The following TRAK1 variants were observed in gnomAD, a reference collection of about 807,000 sequenced individuals.
TRAK1 encodes trafficking kinesin-binding protein 1.
In TRAK1, 33 loss-of-function variants were observed where a neutral mutation model predicts 92.1. The observed-to-expected ratio is 0.36, with a 90% confidence interval of 0.27 to 0.48. TRAK1 has a LOEUF of 0.48. Among genes scored for constraint, TRAK1 ranks in the 20% least tolerant of loss-of-function variants. The pLI, the probability that TRAK1 is intolerant of heterozygous loss-of-function variation, is 0.99. For synonymous variants in TRAK1, 521 were observed against 517.3 expected, an observed-to-expected ratio of 1.01 and a Z score of -0.10; for missense variants, 1,123 against 1,257.9, an observed-to-expected ratio of 0.89 and a Z score of 1.62.
intron 1 of TRAK1, among the ~76,000 whole-genome samples, chr3:42,081,991 T>C (rs1294810323): frequency 6.6e-6 from 1 of 152,254 alleles, no homozygotes; most frequent in Non-Finnish European, 1.5e-5. Flanking sequence ...TGCCAGTTGC[T>C]GTACATGTAA....
chr3:42,098,577 A>G (rs149629322), intron 1 of TRAK1, among the ~76,000 whole-genome samples: 5 of 152,280 alleles, frequency 3.3e-5, no homozygotes, highest in Admixed American at 2.6e-4. Flanking sequence ...GGAGGGAGAA[A>G]GAGAACAGAG....
At chr3:42,222,010 A>T (rs1440511611) in intron 15 of TRAK1, 2 of 152,000 alleles carry the variant, frequency 1.3e-5, no homozygotes, top group East Asian at 3.9e-4. Context: ...TTATAAAAAA[A>T]AAAAAGAACC....
At chr3:42,077,884 T>C (rs1704229290) in intron 1 of TRAK1, among the ~76,000 whole-genome samples, 1 of 152,208 alleles carries the variant, frequency 6.6e-6, no homozygotes, top group Non-Finnish European at 1.5e-5. Flanking sequence ...TAGAATGTTA[T>C]TGTCTGTGAA....
Position 42,058,785 on chromosome 3 carries a change from T to C in TRAK1, c.-518-28319T>C, listed in dbSNP as rs74378755. ...AGCTCCCACCCCCACACACAACAGA[T>C]CGTAAGATACGCCATTGCTTTATGT... On this transcript the variant is annotated intron_variant, in intron 1 of 16. Transcript: ENST00000487159. 5.6e-3 allele frequency among the ~76,000 whole-genome samples: 852 copies of C among 152,256 alleles called. 5 individuals are homozygous for C. Among genetic ancestry groups the C allele is most frequent in the African/African-American group, 0.019 (787 of 41,542 alleles).
chr3:42,118,147 G>A (rs891142491), intron 1 of TRAK1, among the ~76,000 whole-genome samples: 1 of 151,746 alleles, frequency 6.6e-6, no homozygotes, highest in Non-Finnish European at 1.5e-5. Flanking sequence ...GCAGTGCTGC[G>A]ATCTTGGCTC....
chr3:42,190,207 T>C (rs1215263258), intron 6 of TRAK1, among the ~76,000 whole-genome samples: 3 of 152,172 alleles, frequency 2.0e-5, no homozygotes, highest in Admixed American at 6.5e-5. Context: ...AGCCGAGGTA[T>C]GGTGTGGTAC....
intron 2 of TRAK1, among the ~76,000 whole-genome samples, chr3:42,144,842 A>G (rs1699137016): frequency 6.6e-6 from 1 of 152,254 alleles, no homozygotes; most frequent in African/African-American, 2.4e-5. Flanking sequence ...GGATTTCAGT[A>G]AAAGACAAAG....
chr3:42,062,032 T>C (rs1033246102), intron 1 of TRAK1, among the ~76,000 whole-genome samples: 2 of 152,224 alleles, frequency 1.3e-5, no homozygotes, highest in African/African-American at 4.8e-5. Flanking sequence ...GGCTGCCCAT[T>C]TGGGAGAAGG....
chr3:42,101,051 TACA>T (rs1465591901), intron 1 of TRAK1, among the ~76,000 whole-genome samples: 2 of 152,264 alleles, frequency 1.3e-5, no homozygotes, highest in Non-Finnish European at 2.9e-5. Context: ...TAGTGGTTCC[TACA>T]ACATTTATTT....
intron 3 of TRAK1, among the ~76,000 whole-genome samples, chr3:42,178,137 C>T (rs1227412593): frequency 1.3e-5 from 2 of 152,150 alleles, no homozygotes; most frequent in South Asian, 4.2e-4. Flanking sequence ...TCACCCCGTT[C>T]GGGTCATTGA....
At chr3:42,035,467 T>A (rs1319545646) in intron 1 of TRAK1, among the ~76,000 whole-genome samples, 1 of 152,164 alleles carries the variant, frequency 6.6e-6, no homozygotes, top group Non-Finnish European at 1.5e-5. Flanking sequence ...TGACCACCAC[T>A]GCCATTACCC....
chr3:42,144,277 A>G (rs1699058897), intron 2 of TRAK1, among the ~76,000 whole-genome samples: 1 of 152,118 alleles, frequency 6.6e-6, no homozygotes, highest in Admixed American at 6.5e-5. Context: ...TAAAAAAAAA[A>G]AGAAAGATTA....
Position 42,223,036 on chromosome 3 carries a change from G to T in TRAK1, c.2161G>T (p.Ala721Ser), listed in dbSNP as rs1710514236. 6.2e-7 allele frequency: 1 copy of T among 1,613,938 alleles called. No homozygotes were observed. The highest frequency in any genetic ancestry group is 1.3e-5 in the African/African-American group (1 of 74,908). The stretch of plus-strand genomic sequence containing the variant: ...ATGCACTCCACGGAGACTGAGCCTG[G>T]CTGAGTCCTTCACTAACACCCGTGA... Reference protein sequence around the residue: ...TPCTPRRLSLAESFTNTREST... With the variant: ...TPCTPRRLSLSESFTNTREST... Residue 721 changes from alanine to serine, a missense_variant, in exon 16 of 16, where the codon GCT becomes TCT. By Grantham distance (99) the Ala-to-Ser change is moderately conservative (BLOSUM62 1). Transcript: ENST00000327628. The surrounding 1 kb of genome is among the most constrained non-coding windows in gnomAD (Gnocchi z 6.1).
intron 13 of TRAK1, among the ~76,000 whole-genome samples, chr3:42,206,877 C>T (rs1322025583): frequency 1.3e-5 from 2 of 152,208 alleles, no homozygotes; most frequent in Admixed American, 6.5e-5. Context: ...TCAGCCCATC[C>T]TTGGGAGCGG....
intron 2 of TRAK1, among the ~76,000 whole-genome samples, chr3:42,140,597 A>C (rs368524322): frequency 5.3e-5 from 8 of 152,368 alleles, no homozygotes; most frequent in Admixed American, 3.3e-4. Context: ...GCTGCACTCC[A>C]GCCTGGGCGA....
intron 1 of TRAK1, among the ~76,000 whole-genome samples, chr3:42,112,857 A>C (rs1708638526): frequency 6.6e-6 from 1 of 151,940 alleles, no homozygotes; most frequent in Admixed American, 6.5e-5. Flanking sequence ...TGCATCCTCT[A>C]ACTGCTGTGC....
intron 11 of TRAK1, among the ~76,000 whole-genome samples, chr3:42,200,491 A>G (rs571348191): frequency 1.2e-4 from 19 of 152,236 alleles, no homozygotes; most frequent in Non-Finnish European, 2.5e-4. Flanking sequence ...AAAGAAATCT[A>G]GGAGACAAAA....
intron 2 of TRAK1, among the ~76,000 whole-genome samples, chr3:42,172,887 T>C (rs1702744197): frequency 2.0e-5 from 3 of 152,228 alleles, no homozygotes; most frequent in Admixed American, 2.0e-4. Flanking sequence ...GGGTCATGCC[T>C]GTAATGCCAG....
chr3:42,161,834 A>AGGG (rs1374875623), intron 2 of TRAK1, among the ~76,000 whole-genome samples: 1 of 151,874 alleles, frequency 6.6e-6, no homozygotes, highest in Non-Finnish European at 1.5e-5. Context: ...GGGGGAGGGG[A>AGGG]GAGGAGTGAC....
Sources: gnomAD v4.1 joint callset for allele counts (sites outside exome capture counted in the v4.1 genomes callset) on GRCh38, gnomAD v4.1.1 for gene constraint, Gnocchi (gnomAD v3.1) non-coding constraint, MANE v1.5 for transcripts, NCBI Gene and HGNC (gene_info 2026-07-23, HGNC 2026-07-21) for gene names.